RAI1: variants seen among roughly 807,000 people sequenced by gnomAD.
RAI1 encodes the protein retinoic acid-induced protein 1.
In RAI1, 9 loss-of-function variants were observed where a neutral mutation model predicts 123.8. The observed-to-expected ratio is 0.07, with a 90% CI of 0.04 to 0.13. The LOEUF (loss-of-function observed/expected upper bound fraction) is 0.13, where lower values mean the gene tolerates loss of function less well. Among genes scored for constraint, RAI1 ranks in the 10% least tolerant of loss-of-function variants. RAI1 has a pLI of 1.00. For missense variants in RAI1, 2,256 were observed against 2,545.8 expected (o/e 0.89, Z 2.45); for synonymous variants, 1,231 against 1,127.3 (o/e 1.09, Z -1.84).
chr17:17,782,625 T>C (rs1283235001), intron 2 of RAI1, among the ~76,000 whole-genome samples: 2 of 106,768 alleles, frequency 1.9e-5, no homozygotes, highest in Non-Finnish European at 3.7e-5. Flanking sequence ...GGGCGGGGGG[T>C]TGGGGGGGCG....
At chr17:17,724,872 C>T (rs1001902575) in intron 2 of RAI1, among the ~76,000 whole-genome samples, 2 of 152,102 alleles carry the variant, frequency 1.3e-5, no homozygotes, top group African/African-American at 4.8e-5. Flanking sequence ...TGGCTTCAAA[C>T]ACTTCCCCTG....
At chr17:17,783,076 G>GGGGGCCA (rs2031662787) in intron 2 of RAI1, among the ~76,000 whole-genome samples, 1 of 52 alleles carries the variant, frequency 0.019, no homozygotes, top group Non-Finnish European at 0.05. Flanking sequence ...GGGGCTGGTG[G>GGGGGCCA]CAGCCCCCCG....
chr17:17,682,370 C>T (rs1419864423), intron 1 of RAI1: 2 of 148,462 alleles, frequency 1.3e-5, no homozygotes, highest in African/African-American at 2.5e-5. Flanking sequence ...GGCCTGTGCG[C>T]AGGCCCCGAG....
intron 1 of RAI1, among the ~76,000 whole-genome samples, chr17:17,716,582 CTT>C (rs1915721070): frequency 6.6e-6 from 1 of 152,090 alleles, no homozygotes; most frequent in Non-Finnish European, 1.5e-5. Flanking sequence ...GGTTTTGTGT[CTT>C]TTCATGTGTG....
chr17:17,735,430 T>C (rs1916401930), intron 2 of RAI1, among the ~76,000 whole-genome samples: 1 of 149,778 alleles, frequency 6.7e-6, no homozygotes, highest in Admixed American at 6.7e-5. Context: ...CTTGGCTCAC[T>C]GCAATCTCCG....
intron 2 of RAI1, among the ~76,000 whole-genome samples, chr17:17,768,228 T>C (rs1012727640): frequency 3.3e-5 from 5 of 152,076 alleles, no homozygotes; most frequent in Non-Finnish European, 7.4e-5. Context: ...AGGACTATCT[T>C]TGTGGCCCTT....
chr17:17,753,767 A>T (rs980256566), intron 2 of RAI1, among the ~76,000 whole-genome samples: 9 of 152,220 alleles, frequency 5.9e-5, no homozygotes, highest in Non-Finnish European at 1.3e-4. Context: ...AATGACAGAT[A>T]TCTGTGTCTC....
chr17:17,784,641 T>A (rs1240513672), intron 2 of RAI1, among the ~76,000 whole-genome samples: 1 of 152,078 alleles, frequency 6.6e-6, no homozygotes, highest in Non-Finnish European at 1.5e-5. Context: ...CAGCACCACG[T>A]AGAAGCAAGC....
Position 17,811,364 on chromosome 17 carries a change from T to C in RAI1, c.*1383T>C. On this transcript the variant is annotated 3_prime_UTR_variant, in exon 6 of 6. Transcript: ENST00000353383. Reference sequence around the variant, plus strand: ...TGTATCGAGCTGTTTCTAAAAGATGTTTATTTTCCTTAAGAGTAAAAAACA... The same window carrying C: ...TGTATCGAGCTGTTTCTAAAAGATGCTTATTTTCCTTAAGAGTAAAAAACA... The C allele has an allele frequency of 4.1e-6, 1 of 241,956 alleles. No individual in the cohort carries two copies. Among genetic ancestry groups the C allele is most frequent in the Non-Finnish European group, 8.3e-6 (1 of 120,400 alleles). The allele number at this position is 241,956 out of a possible 1,614,324, so 15.0% of individuals were successfully genotyped here.
rs564479598 is a variant in RAI1, at chr17:17,717,390, T to A, written c.-148-6638T>A. On this transcript the variant is annotated intron_variant, in intron 1 of 5. Transcript: ENST00000353383. ...CCCAGCCAGCCCAACGTGTCCAGAGTGTGTGGCTTCATTGTAGCCAGGAAC... is the reference window on the plus strand; with the variant it reads ...CCCAGCCAGCCCAACGTGTCCAGAGAGTGTGGCTTCATTGTAGCCAGGAAC... Among the ~76,000 whole-genome samples, 182 of 152,024 alleles carry A rather than the reference T, an allele frequency of 1.2e-3. 2 individuals are homozygous for A. Among genetic ancestry groups the A allele is most frequent in the African/African-American group, 4.3e-3 (177 of 41,438 alleles).
At chr17:17,689,887 C>A (rs1197949377) in intron 1 of RAI1, among the ~76,000 whole-genome samples, 4 of 152,078 alleles carry the variant, frequency 2.6e-5, no homozygotes, top group Non-Finnish European at 1.5e-5. Context: ...AGGAGGTCAC[C>A]CTGGCCAGGC....
intron 2 of RAI1, among the ~76,000 whole-genome samples, chr17:17,740,169 G>T (rs1350161731): frequency 1.3e-5 from 2 of 152,186 alleles, no homozygotes; most frequent in Non-Finnish European, 2.9e-5. Flanking sequence ...TAGGGCCTTG[G>T]GAGACCCTTG....
In RAI1 at chr17:17,810,726, C is replaced by T. The variant is rs2143007291; in HGVS notation, c.*745C>T. 1 of 435,220 alleles carries T rather than the reference C, an allele frequency of 2.3e-6. No individual in the cohort carries two copies. The highest frequency in any genetic ancestry group is 1.6e-5 in the South Asian group (1 of 62,776). The allele number at this position is 435,220 out of a possible 1,614,324, so 27.0% of individuals were successfully genotyped here. The stretch of plus-strand genomic sequence containing the variant: ...ACACCCTTTGGCCTCTGTTTGTCCC[C>T]TTTCCAGTCCTCCACCCCACCCCTG... On this transcript the variant is annotated 3_prime_UTR_variant, in exon 6 of 6. Coordinates refer to ENST00000353383, the MANE Select transcript of RAI1 (RefSeq NM_030665.4). The surrounding 1 kb of genome is among the most constrained non-coding windows in gnomAD (Gnocchi z 4.6).
intron 2 of RAI1, among the ~76,000 whole-genome samples, chr17:17,741,030 C>T (rs1328304975): frequency 1.3e-5 from 2 of 152,032 alleles, no homozygotes; most frequent in Non-Finnish European, 2.9e-5. Flanking sequence ...ACACCACCCC[C>T]GCCCGCCGTC....
At chr17:17,769,484 A>T (rs1407982591) in intron 2 of RAI1, among the ~76,000 whole-genome samples, 2 of 152,216 alleles carry the variant, frequency 1.3e-5, no homozygotes, top group African/African-American at 4.8e-5. Context: ...AGGAGCAGAA[A>T]GTAGTAGGGA....
intron 2 of RAI1, among the ~76,000 whole-genome samples, chr17:17,792,596 T>TCCCCAGTGACCTGGCGCTGGGCAGCC (rs1422441219): frequency 3.3e-5 from 5 of 149,952 alleles, no homozygotes; most frequent in African/African-American, 1.2e-4. Flanking sequence ...GGCGGGTAGC[T>TCCCCAGTGACCTGGCGCTGGGCAGCC]CCCCAGTGAC....
chr17:17,693,674 A>G (rs956097066), intron 1 of RAI1, among the ~76,000 whole-genome samples: 2 of 152,234 alleles, frequency 1.3e-5, no homozygotes, highest in East Asian at 3.8e-4. Flanking sequence ...GGCGGCAGGT[A>G]GCTGAGAAAG....
intron 2 of RAI1, among the ~76,000 whole-genome samples, chr17:17,739,153 G>A (rs1223175601): frequency 6.6e-6 from 1 of 152,164 alleles, no homozygotes; most frequent in Non-Finnish European, 1.5e-5. Context: ...TCACACACTG[G>A]GGCAGCCACG....
At chr17:17,781,171 C>T (rs1487120390) in intron 2 of RAI1, among the ~76,000 whole-genome samples, 1 of 152,222 alleles carries the variant, frequency 6.6e-6, no homozygotes, top group Non-Finnish European at 1.5e-5. Context: ...TTCCCCGCCA[C>T]CAAGCTAGGC....
Sources: allele counts gnomAD v4.1 joint callset (sites outside exome capture counted in the v4.1 genomes callset), GRCh38; gene constraint gnomAD v4.1.1; non-coding constraint Gnocchi (gnomAD v3.1); transcripts MANE v1.5; gene names NCBI Gene and HGNC (gene_info 2026-07-23, HGNC 2026-07-21).